Variants in MMP20 observed in about 807,000 individuals in gnomAD.
The protein encoded by MMP20 is matrix metalloproteinase-20.
MMP20 carries 50 observed loss-of-function variants against 51.8 expected under a neutral mutation model. The ratio of observed to expected loss-of-function variants is 0.97; its 90% CI spans 0.77 to 1.22. The LOEUF (loss-of-function observed/expected upper bound fraction) is 1.22. Among genes scored for constraint, MMP20 ranks in the 50% most tolerant of loss-of-function variants. The pLI is 0.00. For missense variants in MMP20, 663 were observed against 601.4 expected (o/e 1.10, Z -1.07); for synonymous variants, 244 against 216.2 (o/e 1.13, Z -1.13).
intron 8 of MMP20, among the ~76,000 whole-genome samples, chr11:102,584,641 T>G (rs555542472): frequency 1.6e-4 from 24 of 152,282 alleles, no homozygotes; most frequent in African/African-American, 5.5e-4. Flanking sequence ...AAATCCAACT[T>G]GTCCTTTTTT....
At chr11:102,595,889 A>G (rs1166369341) in intron 6 of MMP20, among the ~76,000 whole-genome samples, 2 of 152,252 alleles carry the variant, frequency 1.3e-5, no homozygotes, top group African/African-American at 4.8e-5. Context: ...ACTTCACAGG[A>G]TTATTTGGGG....
chr11:102,601,109 C>G (rs1283417534), intron 6 of MMP20, among the ~76,000 whole-genome samples: 1 of 148,890 alleles, frequency 6.7e-6, no homozygotes, highest in African/African-American at 2.5e-5. Flanking sequence ...CAAATGACCA[C>G]GAAGTGTCGG....
At chr11:102,611,682 T>G in intron 3 of MMP20, 73 bp downstream of exon 3, 2 of 1,567,134 alleles carry the variant, frequency 1.3e-6, no homozygotes, top group Non-Finnish European at 1.7e-6. Context: ...TCACTCGAAT[T>G]AAAGATGTAG....
chr11:102,599,478 T>C (rs1859420994), intron 6 of MMP20, among the ~76,000 whole-genome samples: 1 of 152,204 alleles, frequency 6.6e-6, no homozygotes, highest in South Asian at 2.1e-4. Context: ...TTTCCTACTG[T>C]CAAATAAGAG....
At chr11:102,617,137 A>G (rs1391980226) in intron 1 of MMP20, 78 bp from the exon 2 acceptor site, 4 of 1,524,050 alleles carry the variant, frequency 2.6e-6, no homozygotes, top group Non-Finnish European at 3.6e-6. Flanking sequence ...AGGGGACAGC[A>G]TTCCTGATGT....
rs534946525 is a variant in MMP20 at position 102,591,723 on chromosome 11, C to T, written c.1247+1716G>A. ...CTCCTTAGTAGACACTCACAGAGGC[C>T]CAGTTGGAAAGGTACAGTACGATTT... On this transcript the variant is annotated intron_variant, in intron 8 of 9. Transcript: ENST00000260228. Among the ~76,000 whole-genome samples the T allele has an allele frequency of 7.2e-5, 11 of 152,192 alleles. No individual in the cohort carries two copies. The East Asian group carries it at 1.5e-3, about 21-fold the overall frequency.
At chr11:102,620,698 TTAAG>T (rs1859739068) in intron 1 of MMP20, among the ~76,000 whole-genome samples, 1 of 152,208 alleles carries the variant, frequency 6.6e-6, no homozygotes, top group Non-Finnish European at 1.5e-5. Flanking sequence ...AAAACTCAGT[TTAAG>T]TACGCTCCAG....
intron 8 of MMP20, among the ~76,000 whole-genome samples, chr11:102,586,562 C>A (rs1859256741): frequency 6.6e-6 from 1 of 151,846 alleles, no homozygotes; most frequent in Non-Finnish European, 1.5e-5. Context: ...ACCTGTAATC[C>A]CAGCATTTTG....
At chr11:102,586,463 A>G (rs1859255344) in intron 8 of MMP20, among the ~76,000 whole-genome samples, 1 of 151,310 alleles carries the variant, frequency 6.6e-6, no homozygotes, top group African/African-American at 2.4e-5. Flanking sequence ...GACCTTTTTT[A>G]TTTCTGTAAG....
intron 8 of MMP20, among the ~76,000 whole-genome samples, chr11:102,580,840 G>A (rs1284446677): frequency 6.6e-6 from 1 of 152,198 alleles, no homozygotes; most frequent in Non-Finnish European, 1.5e-5. Flanking sequence ...GAGAATAAAA[G>A]ATGGTTCTCG....
At chr11:102,619,034 G>A (rs1467125351) in intron 1 of MMP20, among the ~76,000 whole-genome samples, 5 of 152,186 alleles carry the variant, frequency 3.3e-5, no homozygotes. Context: ...GGGGTGCCCA[G>A]GCTCTGAAAC....
intron 9 of MMP20, among the ~76,000 whole-genome samples, chr11:102,577,639 A>AAGGCCTTCTTGTTGGGGTCATC (rs1304103867): frequency 6.6e-6 from 1 of 152,202 alleles, no homozygotes; most frequent in Non-Finnish European, 1.5e-5. Flanking sequence ...CAGCCGGGGT[A>AAGGCCTTCTTGTTGGGGTCATC]AGGCCTTCTT....
At chr11:102,612,285 T>C (rs928987233) in intron 2 of MMP20, among the ~76,000 whole-genome samples, 1 of 152,100 alleles carries the variant, frequency 6.6e-6, no homozygotes, top group Non-Finnish European at 1.5e-5. Context: ...GCCAAGATGG[T>C]GAAACCCCAT....
At chr11:102,594,847 G>A in intron 6 of MMP20, 90 bp from the exon 7 acceptor site, 1 of 1,506,320 alleles carries the variant, frequency 6.6e-7, no homozygotes. Context: ...AATGTACTCA[G>A]AGGCCACTCA....
At chr11:102,603,995 T>G (rs537183617) in intron 6 of MMP20, among the ~76,000 whole-genome samples, 1 of 150,568 alleles carries the variant, frequency 6.6e-6, no homozygotes, top group Non-Finnish European at 1.5e-5. Context: ...AATTGCTAAA[T>G]GCTCACAGTT....
At chr11:102,592,396 A>G (rs1191233746) in intron 8 of MMP20, among the ~76,000 whole-genome samples, 2 of 152,314 alleles carry the variant, frequency 1.3e-5, no homozygotes, top group Admixed American at 6.5e-5. Context: ...TTTGTTTGCA[A>G]TTCCTTCTTT....
intron 6 of MMP20, among the ~76,000 whole-genome samples, chr11:102,598,251 A>G (rs1859405975): frequency 6.6e-6 from 1 of 152,266 alleles, no homozygotes; most frequent in South Asian, 2.1e-4. Context: ...ACTTCCTTAT[A>G]CATCTGTGAA....
At chr11:102,602,331 T>G (rs1227234704) in intron 6 of MMP20, among the ~76,000 whole-genome samples, 1 of 108,928 alleles carries the variant, frequency 9.2e-6, no homozygotes, top group Non-Finnish European at 2.2e-5. Context: ...TGACAATTAG[T>G]GACAGATTAA....
intron 8 of MMP20, among the ~76,000 whole-genome samples, chr11:102,588,975 T>C (rs1348736116): frequency 6.6e-6 from 1 of 152,222 alleles, no homozygotes; most frequent in African/African-American, 2.4e-5. Flanking sequence ...TCAGTCACAT[T>C]GCTAGGGGAG....
Sources: gnomAD v4.1 joint callset for allele counts (sites outside exome capture counted in the v4.1 genomes callset) on GRCh38, gnomAD v4.1.1 for gene constraint, MANE v1.5 for transcripts, NCBI Gene and HGNC (gene_info 2026-07-23, HGNC 2026-07-21) for gene names.